DLC1: variants seen among roughly 807,000 people sequenced by gnomAD.
The protein encoded by DLC1 is DLC1 Rho GTPase activating protein.
Under a neutral mutation model 140.3 loss-of-function variants are expected in DLC1, and 54 were observed. The observed-to-expected ratio is 0.38, with a 90% CI of 0.31 to 0.48. The LOEUF (loss-of-function observed/expected upper bound fraction) is 0.48. Ranked by LOEUF, DLC1 falls within the 20% of genes least tolerant of loss-of-function variation. The pLI, the probability that DLC1 is intolerant of heterozygous loss-of-function variation, is 0.96. For missense variants in DLC1, 2,536 were observed against 1,907.0 expected (o/e 1.33, Z -6.14); for synonymous variants, 986 against 728.1 (o/e 1.35, Z -5.70).
chr8:13,491,710 T>G (rs974664920), intron 2 of DLC1, among the ~76,000 whole-genome samples: 1 of 152,174 alleles, frequency 6.6e-6, no homozygotes, highest in South Asian at 2.1e-4. Context: ...TTTTACATGA[T>G]TCCCTTGTCC....
rs760553653 is a variant in DLC1, at chr8:13,158,376, C to T, written c.1349-42719G>A. ...ACTACAGTTGATTTTAATTTAGAAA[C>T]GGTTGTGTTGAAATCATTTGTGTAT... On this transcript the variant is annotated intron_variant, in intron 5 of 17. Transcript: ENST00000276297. 5.3e-5 allele frequency among the ~76,000 whole-genome samples: 8 copies of T among 152,108 alleles called. No homozygotes were observed. The South Asian group carries it at 6.2e-4, about 12-fold the overall frequency.
chr8:13,172,596 G>C (rs17126427), intron 5 of DLC1, among the ~76,000 whole-genome samples: 71,199 of 152,050 alleles, frequency 0.47, 17,329 homozygotes, highest in East Asian at 0.84. Flanking sequence ...TAGAGACTTC[G>C]TCAACTCACA....
At chr8:13,468,346 C>T (rs1445678246) in intron 2 of DLC1, among the ~76,000 whole-genome samples, 2 of 86,190 alleles carry the variant, frequency 2.3e-5, no homozygotes, top group African/African-American at 4.2e-5. Flanking sequence ...CCATTCCCCT[C>T]CCCTCCCCTC....
intron 2 of DLC1, among the ~76,000 whole-genome samples, chr8:13,419,017 T>C (rs1306726769): frequency 6.6e-6 from 1 of 150,786 alleles, no homozygotes; most frequent in African/African-American, 2.4e-5. Flanking sequence ...TCTCTGTTTG[T>C]CTGTTATTGG....
At chr8:13,375,140 G>C (rs1374270525) in intron 4 of DLC1, among the ~76,000 whole-genome samples, 1 of 150,372 alleles carries the variant, frequency 6.7e-6, no homozygotes, top group Admixed American at 6.7e-5. Flanking sequence ...CCATTCTCCT[G>C]CCTTAGCCTC....
chr8:13,583,737 G>C (rs908918892), intron 1 of DLC1, among the ~76,000 whole-genome samples: 1 of 152,244 alleles, frequency 6.6e-6, no homozygotes, highest in African/African-American at 2.4e-5. Context: ...CTTTCTGTTA[G>C]AGAGTCGGTG....
intron 4 of DLC1, among the ~76,000 whole-genome samples, chr8:13,306,813 G>A (rs965875520): frequency 6.6e-6 from 1 of 151,964 alleles, no homozygotes; most frequent in East Asian, 1.9e-4. Context: ...GCTGGGCACC[G>A]TGGCTCACCC....
intron 1 of DLC1, 36 bp downstream of exon 1, chr8:13,514,566 C>T (rs1227191957): frequency 2.5e-6 from 1 of 398,440 alleles, no homozygotes; most frequent in Non-Finnish European, 4.4e-6. Context: ...CTTCAAAGAC[C>T]GCCTCAAAGC....
intron 5 of DLC1, among the ~76,000 whole-genome samples, chr8:13,303,910 A>G (rs1191336860): frequency 6.6e-6 from 1 of 152,256 alleles, no homozygotes. Flanking sequence ...GAGGAGAAAG[A>G]GAACTCTCTG....
intron 1 of DLC1, among the ~76,000 whole-genome samples, chr8:13,550,520 G>A (rs1186188448): frequency 6.6e-6 from 1 of 152,048 alleles, no homozygotes; most frequent in African/African-American, 2.4e-5. Flanking sequence ...TCAAAAGGAA[G>A]GTAAGTCTCA....
intron 5 of DLC1, among the ~76,000 whole-genome samples, chr8:13,162,699 G>C (rs1824801181): frequency 6.6e-6 from 1 of 152,122 alleles, no homozygotes; most frequent in African/African-American, 2.4e-5. Context: ...CAGCACTTTG[G>C]GAGGCCAAGG....
At chr8:13,356,556 T>C (rs556607215) in intron 4 of DLC1, among the ~76,000 whole-genome samples, 74 of 152,348 alleles carry the variant, frequency 4.9e-4, no homozygotes, top group Middle Eastern at 3.4e-3. Flanking sequence ...ATTCCTTTCT[T>C]TCTGTCTCCT....
chr8:13,397,161 T>C (rs1049061161), intron 3 of DLC1, among the ~76,000 whole-genome samples: 2 of 152,076 alleles, frequency 1.3e-5, no homozygotes, highest in Non-Finnish European at 2.9e-5. Context: ...TTGTGATCCA[T>C]TGGTTGTTCT....
chr8:13,397,576 C>G (rs539005455), intron 3 of DLC1, among the ~76,000 whole-genome samples: 4 of 152,100 alleles, frequency 2.6e-5, no homozygotes, highest in Non-Finnish European at 4.4e-5. Context: ...TGCCTGTCAT[C>G]TCAATACATT....
At chr8:13,567,902 G>C (rs1021004817) in intron 1 of DLC1, 32 of 1,551,788 alleles carry the variant, frequency 2.1e-5, no homozygotes, top group Admixed American at 9.8e-5. Flanking sequence ...TTTCTCAAGC[G>C]ACTTACTCTA....
chr8:13,331,242 A>G (rs1426091648), intron 4 of DLC1, among the ~76,000 whole-genome samples: 3 of 152,238 alleles, frequency 2.0e-5, no homozygotes, highest in Non-Finnish European at 4.4e-5. Context: ...TAAGCACCAC[A>G]TTGGCTACTC....
intron 4 of DLC1, among the ~76,000 whole-genome samples, chr8:13,373,591 C>A (rs1038407698): frequency 6.6e-6 from 1 of 152,096 alleles, no homozygotes; most frequent in Non-Finnish European, 1.5e-5. Context: ...ACACAACATG[C>A]AAATAACATT....
rs1275581990 is a variant in DLC1, at chr8:13,269,576, C to T, written c.1348+35693G>A. Among the ~76,000 whole-genome samples, 6 of 151,694 alleles carry T rather than the reference C, an allele frequency of 4.0e-5. No homozygotes were observed. The East Asian group carries it at 5.9e-4, about 15-fold the overall frequency. On this transcript the variant is annotated intron_variant, in intron 5 of 17. Coordinates refer to ENST00000276297, the MANE Select transcript of DLC1 (RefSeq NM_182643.3). ...ACAAAAATCAAAAAATTAGCCACAA[C>T]CCTATAGTCCTGGCTGCTGAGGGGA...
At chr8:13,118,797 G>A (rs931441718) in intron 5 of DLC1, among the ~76,000 whole-genome samples, 2 of 151,998 alleles carry the variant, frequency 1.3e-5, no homozygotes, top group Non-Finnish European at 2.9e-5. Context: ...TCTAATCTAA[G>A]TATTAATAAA....
Sources: allele counts gnomAD v4.1 joint callset (sites outside exome capture counted in the v4.1 genomes callset), GRCh38; gene constraint gnomAD v4.1.1; transcripts MANE v1.5; gene names NCBI Gene and HGNC (gene_info 2026-07-23, HGNC 2026-07-21).